Variants in RAB28 observed in about 807,000 individuals in gnomAD.
The protein encoded by RAB28 is RAB28, member RAS oncogene family.
A neutral mutation model predicts 31.7 loss-of-function variants in RAB28; 24 were observed. That is an observed-to-expected ratio of 0.76 (90% CI 0.55 to 1.06). The LOEUF is 1.06. Among genes scored for constraint, RAB28 ranks in the 50% least tolerant of loss-of-function variants. The pLI is 0.00. For missense variants in RAB28, 254 were observed against 258.5 expected (o/e 0.98, Z 0.12); for synonymous variants, 100 against 90.4 (o/e 1.11, Z -0.60).
intron 4 of RAB28, among the ~76,000 whole-genome samples, chr4:13,389,094 G>A (rs1729511430): frequency 6.6e-6 from 1 of 152,116 alleles, no homozygotes; most frequent in Non-Finnish European, 1.5e-5. Flanking sequence ...ACAAAATGCA[G>A]TGTATATATA....
intron 3 of RAB28, among the ~76,000 whole-genome samples, chr4:13,473,641 T>G (rs145343529): frequency 4.6e-5 from 7 of 151,866 alleles, no homozygotes; most frequent in African/African-American, 1.4e-4. Context: ...TCTATTTGTA[T>G]AATAACTTTA....
chr4:13,470,518 C>G (rs1716072339), intron 3 of RAB28, among the ~76,000 whole-genome samples: 1 of 151,996 alleles, frequency 6.6e-6, no homozygotes, highest in African/African-American at 2.4e-5. Flanking sequence ...TGTTCTACCT[C>G]ACAAGTGACT....
chr4:13,387,767 G>C (rs1383861782), intron 4 of RAB28, among the ~76,000 whole-genome samples: 1 of 152,002 alleles, frequency 6.6e-6, no homozygotes, highest in Non-Finnish European at 1.5e-5. Context: ...AATTTTATTT[G>C]CATGGAGTGG....
At chr4:13,438,022 G>T (rs1714217419) in intron 4 of RAB28, among the ~76,000 whole-genome samples, 1 of 152,066 alleles carries the variant, frequency 6.6e-6, no homozygotes. Flanking sequence ...CCATAAAAAA[G>T]AATAAAGTCT....
At chr4:13,392,039 T>C (rs931087073) in intron 4 of RAB28, among the ~76,000 whole-genome samples, 3 of 152,282 alleles carry the variant, frequency 2.0e-5, no homozygotes, top group African/African-American at 7.2e-5. Context: ...TGTATACCTA[T>C]GTAACAAACC....
At chr4:13,371,096 T>G (rs1728696470) in intron 6 of RAB28, 6 of 985,096 alleles carry the variant, frequency 6.1e-6, no homozygotes, top group Non-Finnish European at 7.2e-6. Context: ...GTGACTACAT[T>G]TATAAATAAA....
At chr4:13,392,731 G>C (rs1475593807) in intron 4 of RAB28, among the ~76,000 whole-genome samples, 3 of 152,150 alleles carry the variant, frequency 2.0e-5, no homozygotes, top group South Asian at 4.1e-4. Flanking sequence ...ACGTTGCTAA[G>C]AGAATAGATT....
chr4:13,376,413 A>G (rs1325427726), intron 6 of RAB28, 132 bp downstream of exon 6: 8 of 570,930 alleles, frequency 1.4e-5, no homozygotes, highest in Admixed American at 3.8e-5. Context: ...ACTGATTCAT[A>G]CATACAATCT....
rs1713874496 is a variant in RAB28, at chr4:13,432,606, T to C, written c.391+28093A>G. ...AACAGTGAACTTCTCAGCAGAAATCTTTCAAGCAAAAAGAGACTGGGGCCT... is the reference window on the plus strand; with the variant it reads ...AACAGTGAACTTCTCAGCAGAAATCCTTCAAGCAAAAAGAGACTGGGGCCT... On this transcript the variant is annotated intron_variant, in intron 4 of 6. Coordinates refer to ENST00000330852, the MANE Select transcript of RAB28 (RefSeq NM_001017979.3). 2.0e-5 allele frequency among the ~76,000 whole-genome samples: 3 copies of C among 152,130 alleles called. No individual in the cohort carries two copies. The South Asian group carries it at 6.2e-4, about 31-fold the overall frequency.
chr4:13,390,151 G>A (rs542638682), intron 4 of RAB28, among the ~76,000 whole-genome samples: 7 of 152,186 alleles, frequency 4.6e-5, no homozygotes, highest in African/African-American at 1.2e-4. Flanking sequence ...TGTATATTTC[G>A]AAAACCCCAT....
At chr4:13,421,576 C>G (rs1231048706) in intron 4 of RAB28, among the ~76,000 whole-genome samples, 1 of 152,172 alleles carries the variant, frequency 6.6e-6, no homozygotes, top group Non-Finnish European at 1.5e-5. Context: ...TCTAACAGAA[C>G]AGAGGCCTCA....
intron 6 of RAB28, among the ~76,000 whole-genome samples, 154 bp from the exon 7 acceptor site, chr4:13,368,804 A>T (rs1235860435): frequency 6.6e-6 from 1 of 151,242 alleles, no homozygotes; most frequent in East Asian, 1.9e-4. Flanking sequence ...AAGCCAGACA[A>T]ACAAACAAAG....
At chr4:13,429,949 G>A (rs2108930007) in intron 4 of RAB28, among the ~76,000 whole-genome samples, 1 of 152,242 alleles carries the variant, frequency 6.6e-6, no homozygotes, top group African/African-American at 2.4e-5. Context: ...GTAAGTTACA[G>A]TAATCAAGAC....
intron 4 of RAB28, among the ~76,000 whole-genome samples, chr4:13,418,146 G>A (rs1027974127): frequency 6.6e-6 from 1 of 151,948 alleles, no homozygotes; most frequent in Non-Finnish European, 1.5e-5. Context: ...TGGAAGCAAG[G>A]GTATCAGCGA....
intron 2 of RAB28, among the ~76,000 whole-genome samples, chr4:13,477,771 T>C (rs1213344170): frequency 1.3e-5 from 2 of 151,422 alleles, no homozygotes; most frequent in Non-Finnish European, 3.0e-5. Context: ...AATTACTAAG[T>C]CTAAAATATT....
At chr4:13,417,332 A>C (rs1712841411) in intron 4 of RAB28, among the ~76,000 whole-genome samples, 1 of 152,222 alleles carries the variant, frequency 6.6e-6, no homozygotes. Flanking sequence ...AACAGAAGGC[A>C]GCAGAAACTT....
At chr4:13,483,583 C>T in intron 1 of RAB28, among the ~76,000 whole-genome samples, 1 of 152,194 alleles carries the variant, frequency 6.6e-6, no homozygotes, top group Non-Finnish European at 1.5e-5. Context: ...GAAGCTTAAA[C>T]TGATTAGCAA....
intron 4 of RAB28, among the ~76,000 whole-genome samples, chr4:13,384,077 C>A (rs1729255086): frequency 6.6e-6 from 1 of 152,198 alleles, no homozygotes; most frequent in Admixed American, 6.5e-5. Flanking sequence ...ACCCTGCCAA[C>A]CCCACCACCT....
intron 4 of RAB28, among the ~76,000 whole-genome samples, chr4:13,406,210 T>G (rs778807022): frequency 1.3e-5 from 2 of 152,154 alleles, no homozygotes; most frequent in African/African-American, 4.8e-5. Flanking sequence ...GTCCATGTGT[T>G]CTTATTGTTC....
Sources: gnomAD v4.1 joint callset for allele counts (sites outside exome capture counted in the v4.1 genomes callset) on GRCh38, gnomAD v4.1.1 for gene constraint, MANE v1.5 for transcripts, NCBI Gene and HGNC (gene_info 2026-07-23, HGNC 2026-07-21) for gene names.